The following TMEM272 variants were observed in gnomAD, a reference collection of about 807,000 sequenced individuals.
The protein encoded by TMEM272 is long intergenic non-protein coding RNA 282.
TMEM272 carries 8 observed loss-of-function variants against 3.7 expected under a neutral mutation model. That is an observed-to-expected ratio of 2.17 (90% confidence interval 1.27 to 3.91). The LOEUF is 3.91. TMEM272 is among the 30% of genes most tolerant of loss of function. The pLI is 0.00. For synonymous variants in TMEM272, 63 were observed against 39.8 expected, an observed-to-expected ratio of 1.58 and a Z score of -2.20; for missense variants, 166 against 91.5, an observed-to-expected ratio of 1.81 and a Z score of -3.32.
At chr13:51,844,129 CA>C (rs1233152438) in intron 1 of TMEM272, among the ~76,000 whole-genome samples, 2 of 147,948 alleles carry the variant, frequency 1.4e-5, no homozygotes, top group Non-Finnish European at 3.0e-5. Context: ...CTAACATTCC[CA>C]GTTTTAGAGT....
At chr13:51,866,034 C>G in the TMEM272 span, 1 of 1,605,864 alleles carries the variant, frequency 6.2e-7, no homozygotes, top group Non-Finnish European at 8.5e-7. Context: ...CCCCACAACG[C>G]CAACAGAGGG....
chr13:51,899,085 T>C, the TMEM272 span, among the ~76,000 whole-genome samples: 1 of 152,344 alleles, frequency 6.6e-6, no homozygotes, highest in Non-Finnish European at 1.5e-5. Flanking sequence ...AAACTATCTC[T>C]ATTCACAGAT....
the TMEM272 span, chr13:51,908,823 C>A: frequency 1.4e-6 from 2 of 1,437,678 alleles, no homozygotes; most frequent in Middle Eastern, 1.8e-4. Context: ...CATCATCCTA[C>A]GGTCCTGTTC....
chr13:51,874,904 C>T, the TMEM272 span, among the ~76,000 whole-genome samples: 1 of 152,292 alleles, frequency 6.6e-6, no homozygotes, highest in African/African-American at 2.4e-5. Flanking sequence ...AACAATGCTT[C>T]GTGACAGCCT....
the TMEM272 span, among the ~76,000 whole-genome samples, chr13:51,896,856 C>T: frequency 6.6e-6 from 1 of 152,170 alleles, no homozygotes; most frequent in South Asian, 2.1e-4. Flanking sequence ...GGCTCCACTC[C>T]AGACATACTG....
chr13:51,893,253 A>T, the TMEM272 span, among the ~76,000 whole-genome samples: 1 of 152,236 alleles, frequency 6.6e-6, no homozygotes, highest in African/African-American at 2.4e-5. Context: ...TGTTTAGAGG[A>T]TTAGGAGAGA....
At chr13:51,886,609 A>G in the TMEM272 span, among the ~76,000 whole-genome samples, 1 of 152,214 alleles carries the variant, frequency 6.6e-6, no homozygotes, top group East Asian at 1.9e-4. Context: ...CTTTTTCTAT[A>G]GATAAAACAT....
chr13:51,923,139 G>T, the TMEM272 span, among the ~76,000 whole-genome samples: 1 of 152,354 alleles, frequency 6.6e-6, no homozygotes, highest in South Asian at 2.1e-4. Context: ...CTGGCTGGAT[G>T]ATTCTTGGAC....
At chr13:51,852,796 T>G in the TMEM272 span, among the ~76,000 whole-genome samples, 2 of 151,026 alleles carry the variant, frequency 1.3e-5, no homozygotes, top group African/African-American at 2.4e-5. Context: ...GGAGAATTGC[T>G]TGAACCCAGG....
At chr13:51,863,693 ACACACACACACACAC>A in the TMEM272 span, among the ~76,000 whole-genome samples, 3 of 131,386 alleles carry the variant, frequency 2.3e-5, no homozygotes, top group Non-Finnish European at 3.4e-5. Flanking sequence ...ACACACACAC[ACACACACACACACAC>A]ACCAGCTATG....
rs111925186 is a variant in TMEM272, at chr13:51,816,653, C to CTGTGTGTGTGTGTGTG, written c.*82_*97dup. On this transcript the variant is annotated 3_prime_UTR_variant, in exon 5 of 5. Coordinates refer to ENST00000629372, the MANE Select transcript of TMEM272 (RefSeq NM_001351003.2). The stretch of plus-strand genomic sequence containing the variant: ...ATTACCTTTATGCCCTTCTCTGAAC[C>CTGTGTGTGTGTGTGTG]TGTGTGTGTGTGTGTGTGTGTGTGC... The CTGTGTGTGTGTGTGTG allele has an allele frequency of 7.0e-6, 4 of 571,930 alleles. No homozygotes were observed. Among genetic ancestry groups the CTGTGTGTGTGTGTGTG allele is most frequent in the Admixed American group, 5.7e-5 (2 of 35,364 alleles). The allele number at this position is 571,930 out of a possible 1,614,324, so 35.4% of individuals were successfully genotyped here.
chr13:51,866,131 T>TCC, the TMEM272 span: 1 of 1,446,442 alleles, frequency 6.9e-7, no homozygotes, highest in Non-Finnish European at 9.3e-7. Context: ...GGGTTGGGAT[T>TCC]CAAGTCCAGG....
chr13:51,863,672 G>GACACACACAC, the TMEM272 span, among the ~76,000 whole-genome samples: 406 of 134,376 alleles, frequency 3.0e-3, 3 homozygotes, highest in African/African-American at 0.01. Flanking sequence ...CGCGCACACA[G>GACACACACAC]ACACACACAC....
the TMEM272 span, among the ~76,000 whole-genome samples, chr13:51,856,535 C>T: frequency 1.3e-5 from 2 of 151,782 alleles, no homozygotes; most frequent in Admixed American, 1.3e-4. Flanking sequence ...CCCAAAGTTA[C>T]CCAGGCTTAC....
the TMEM272 span, among the ~76,000 whole-genome samples, chr13:51,900,511 T>C: frequency 2.0e-5 from 3 of 152,220 alleles, no homozygotes; most frequent in Non-Finnish European, 4.4e-5. Context: ...TCATGCATCA[T>C]TGATGGGATC....
the TMEM272 span, among the ~76,000 whole-genome samples, chr13:51,852,894 A>T: frequency 1.3e-5 from 2 of 151,870 alleles, no homozygotes; most frequent in Admixed American, 6.6e-5. Context: ...AAAAAAAAAA[A>T]AAATACAGTT....
chr13:51,933,632 G>C, the TMEM272 span: 13 of 152,148 alleles, frequency 8.5e-5, no homozygotes, highest in African/African-American at 1.9e-4. Flanking sequence ...TGAAGCCCCT[G>C]GGCAGCGTGC....
chr13:51,906,602 A>C, the TMEM272 span, among the ~76,000 whole-genome samples: 1 of 152,208 alleles, frequency 6.6e-6, no homozygotes, highest in Admixed American at 6.5e-5. Context: ...CTACAGGAGA[A>C]GTTCTAGAGT....
Position 51,813,358 on chromosome 13 carries a change from A to G in TMEM272, c.*3393T>C. 2.5e-6 allele frequency: 1 copy of G among 398,572 alleles called. No homozygotes were observed. The highest frequency in any genetic ancestry group is 1.3e-4 in the South Asian group (1 of 7,860). 24.7% of individuals were successfully genotyped at this position (398,572 alleles called of 1,614,324 possible). ...GAAGACACTGGGGAACAAATTGAAC[A>G]AAGTTTATTTCATCAACAATGAAAA... On this transcript the variant is annotated 3_prime_UTR_variant, in exon 5 of 5. Transcript: ENST00000629372.
Sources: allele counts gnomAD v4.1 joint callset (sites outside exome capture counted in the v4.1 genomes callset), GRCh38; gene constraint gnomAD v4.1.1; transcripts MANE v1.5; gene names NCBI Gene and HGNC (gene_info 2026-07-23, HGNC 2026-07-21).